The following PKHD1 variants were observed in gnomAD, a reference collection of about 807,000 sequenced individuals.
The protein encoded by PKHD1 is fibrocystin.
PKHD1 carries 291 observed loss-of-function variants against 412.0 expected under a neutral mutation model. The ratio of observed to expected loss-of-function variants is 0.71; its 90% CI spans 0.64 to 0.78. The LOEUF (loss-of-function observed/expected upper bound fraction) is 0.78, where lower values mean the gene tolerates loss of function less well. Among genes scored for constraint, PKHD1 ranks in the 30% least tolerant of loss-of-function variants. PKHD1 has a pLI of 0.00. For synonymous variants in PKHD1, 1,777 were observed against 1,821.5 expected, an observed-to-expected ratio of 0.98 and a Z score of 0.62; for missense variants, 4,825 against 4,950.7, an observed-to-expected ratio of 0.97 and a Z score of 0.76.
chr6:51,956,439 T>C (rs1791155719), intron 36 of PKHD1, among the ~76,000 whole-genome samples: 1 of 152,042 alleles, frequency 6.6e-6, no homozygotes, highest in Non-Finnish European at 1.5e-5. Flanking sequence ...CCCAGGACCA[T>C]TTACTTGTCC....
intron 35 of PKHD1, among the ~76,000 whole-genome samples, chr6:51,982,174 C>G (rs1275484199): frequency 2.2e-4 from 9 of 40,124 alleles, no homozygotes; most frequent in South Asian, 8.6e-4. Flanking sequence ...CCACCCCGTC[C>G]GGGAGGGAGG....
intron 50 of PKHD1, among the ~76,000 whole-genome samples, chr6:51,839,471 G>T (rs1398216433): frequency 6.6e-6 from 1 of 152,122 alleles, no homozygotes; most frequent in African/African-American, 2.4e-5. Flanking sequence ...ATCTAAACTT[G>T]CTATAAACAC....
intron 48 of PKHD1, among the ~76,000 whole-genome samples, chr6:51,858,856 C>T (rs1292450895): frequency 6.6e-6 from 1 of 152,124 alleles, no homozygotes; most frequent in Non-Finnish European, 1.5e-5. Context: ...ACATGAGGGT[C>T]AAGAGATTTC....
intron 55 of PKHD1, among the ~76,000 whole-genome samples, chr6:51,770,241 T>C (rs921405631): frequency 6.6e-6 from 1 of 151,994 alleles, no homozygotes; most frequent in South Asian, 2.1e-4. Flanking sequence ...ATTTCTATAT[T>C]GTATTATCTG....
At position 51,990,575 on chromosome 6, in the gene PKHD1, T is replaced by G. The variant is rs138754114; in HGVS notation, c.5751+19734A>C. On this transcript the variant is annotated intron_variant, in intron 35 of 66. Coordinates refer to ENST00000371117, the MANE Select transcript of PKHD1 (RefSeq NM_138694.4). ...GCTCTTTGTACCAATATTTTCAAAC[T>G]AAAATCAAAACACTTTTGTTCCTTA... is the stretch of plus-strand genomic sequence containing the variant. Among the ~76,000 whole-genome samples, 10 of 152,312 alleles carry G rather than the reference T, an allele frequency of 6.6e-5. No individual in the cohort carries two copies. In the East Asian group the frequency reaches 1.7e-3, roughly 26 times the overall value.
chr6:52,053,892 G>T (rs1807281976), intron 20 of PKHD1, 146 bp downstream of exon 20: 2 of 814,468 alleles, frequency 2.5e-6, no homozygotes, highest in South Asian at 3.1e-5. Context: ...AAACTTTTTT[G>T]TCAAATAAAA....
rs375120716 is a variant in PKHD1 at position 51,867,905 on chromosome 6, G to T, written c.7691C>A (p.Ala2564Asp). Residue 2564 changes from alanine to aspartate, a missense_variant, in exon 48 of 67, where the codon GCC (alanine) becomes GAC (aspartate). By Grantham distance (126) the Ala-to-Asp change is moderately radical (BLOSUM62 -2). Transcript: ENST00000371117. ...SSFGRVVHGS[A>D]CGGGVLFHRM... ...ATGAAAAAGAACACCTCCTCCACAG[G>T]CACTGCCATGGACAACCCGACCAAA... is the stretch of plus-strand genomic sequence containing the variant. The T allele has an allele frequency of 6.2e-7, 1 of 1,612,656 alleles. No individual in the cohort carries two copies. Among genetic ancestry groups the T allele is most frequent in the South Asian group, 1.1e-5 (1 of 91,036 alleles).
intron 43 of PKHD1, among the ~76,000 whole-genome samples, chr6:51,901,091 A>C (rs1781197655): frequency 6.6e-6 from 1 of 152,190 alleles, no homozygotes; most frequent in South Asian, 2.1e-4. Context: ...TAGTTCAACC[A>C]TTGTGGAAAT....
chr6:51,856,710 C>T (rs939872715), intron 48 of PKHD1, among the ~76,000 whole-genome samples: 1 of 152,198 alleles, frequency 6.6e-6, no homozygotes, highest in Non-Finnish European at 1.5e-5. Context: ...CTCCTGCAGT[C>T]TTGTGTAATG....
chr6:51,797,462 G>A (rs1410551783), intron 52 of PKHD1, among the ~76,000 whole-genome samples: 2 of 152,134 alleles, frequency 1.3e-5, no homozygotes, highest in Non-Finnish European at 2.9e-5. Flanking sequence ...CTAAGAACTT[G>A]CTTTATGAAT....
At chr6:51,657,506 G>A (rs1416222197) in intron 61 of PKHD1, among the ~76,000 whole-genome samples, 1 of 152,116 alleles carries the variant, frequency 6.6e-6, no homozygotes. Context: ...AAGAAAAAGA[G>A]AGAGAGATAG....
chr6:51,870,367 G>A, intron 47 of PKHD1, 137 bp downstream of exon 47: 1 of 802,876 alleles, frequency 1.2e-6, no homozygotes, highest in South Asian at 1.5e-5. Flanking sequence ...TCTTTTAGGA[G>A]ATTTAAGCAA....
intron 43 of PKHD1, among the ~76,000 whole-genome samples, chr6:51,893,884 C>T (rs777071286): frequency 1.3e-5 from 2 of 152,128 alleles, no homozygotes; most frequent in Non-Finnish European, 2.9e-5. Context: ...AGAACAAATT[C>T]TCCTCAAATT....
chr6:51,985,806 T>C (rs188015344), intron 35 of PKHD1, among the ~76,000 whole-genome samples: 1 of 152,330 alleles, frequency 6.6e-6, no homozygotes, highest in East Asian at 1.9e-4. Context: ...GAAAGGTTTC[T>C]TTTTTACTGA....
chr6:51,801,820 T>A (rs1371034784), intron 52 of PKHD1, among the ~76,000 whole-genome samples: 1 of 152,152 alleles, frequency 6.6e-6, no homozygotes, highest in East Asian at 1.9e-4. Flanking sequence ...CACACAGACA[T>A]GCATAATTCC....
chr6:51,651,469 T>C (rs2784234), intron 61 of PKHD1, among the ~76,000 whole-genome samples: 144,694 of 152,188 alleles, frequency 0.95, 68,873 homozygotes, highest in East Asian at 1. Flanking sequence ...TGAAAGGTCA[T>C]CAAATGAATT....
chr6:51,813,012 T>C (rs1764928117), intron 52 of PKHD1, among the ~76,000 whole-genome samples: 1 of 152,196 alleles, frequency 6.6e-6, no homozygotes, highest in South Asian at 2.1e-4. Context: ...CTTCAAGTTG[T>C]CCTACCTTTC....
rs755564581 is a variant in PKHD1, at chr6:51,911,755, A to C, written c.6490+44T>G. The C allele has an allele frequency of 3.9e-6, 6 of 1,535,786 alleles. No homozygotes were observed. In the African/African-American group the frequency reaches 8.2e-5, roughly 21 times the overall value. ...CCATCTATCATCAGACAGTAAGAAT[A>C]TTCTTTTTTGCTCATTAGACTTTCC... On this transcript the variant is annotated intron_variant, in intron 39 of 66. Transcript: ENST00000371117.
chr6:51,982,827 T>A (rs76837563), intron 35 of PKHD1, among the ~76,000 whole-genome samples: 48,511 of 124,960 alleles, frequency 0.39, 5,222 homozygotes, highest in Admixed American at 0.46. Context: ...ATAATAATAA[T>A]AAATAAAAAA....
Sources: allele counts gnomAD v4.1 joint callset (sites outside exome capture counted in the v4.1 genomes callset), GRCh38; gene constraint gnomAD v4.1.1; transcripts MANE v1.5; gene names NCBI Gene and HGNC (gene_info 2026-07-23, HGNC 2026-07-21).